The following PAPPA variants were observed in gnomAD, a reference collection of about 807,000 sequenced individuals.
PAPPA encodes pappalysin 1, also known as pappalysin-1.
A neutral mutation model predicts 164.0 loss-of-function variants in PAPPA; 60 were observed. The observed-to-expected ratio is 0.37, with a 90% CI of 0.30 to 0.45. The LOEUF (loss-of-function observed/expected upper bound fraction) is 0.45, where lower values mean the gene tolerates loss of function less well. Ranked by LOEUF, PAPPA falls within the 20% of genes least tolerant of loss-of-function variation. PAPPA has a pLI of 1.00. For synonymous variants in PAPPA, 875 were observed against 814.1 expected (o/e 1.07, Z -1.27); for missense variants, 1,782 against 2,087.3 (o/e 0.85, Z 2.85).
chr9:116,262,220 G>A lies in PAPPA; in HGVS notation c.2733-3637G>A, dbSNP rs957011594. ...CTGTCTTAAAAAAAAAAAAAAAATC[G>A]CAAAGATTCCACAGAACAACCCTTC... On this transcript the variant is annotated intron_variant, in intron 7 of 21. Transcript: ENST00000328252. 4.1e-5 allele frequency among the ~76,000 whole-genome samples: 6 copies of A among 147,358 alleles called. No individual in the cohort carries two copies. The South Asian group carries it at 1.1e-3, about 26-fold the overall frequency.
intron 8 of PAPPA, among the ~76,000 whole-genome samples, chr9:116,267,173 TTC>T (rs1406213728): frequency 6.6e-6 from 1 of 152,228 alleles, no homozygotes; most frequent in African/African-American, 2.4e-5. Flanking sequence ...AGATGACTCT[TTC>T]TTTCTGTTCA....
At chr9:116,296,492 G>A (rs532673547) in intron 9 of PAPPA, among the ~76,000 whole-genome samples, 8 of 152,236 alleles carry the variant, frequency 5.3e-5, no homozygotes, top group South Asian at 2.1e-4. Flanking sequence ...AATTCTGTTC[G>A]CAGAGATCTT....
intron 10 of PAPPA, among the ~76,000 whole-genome samples, chr9:116,319,921 C>G (rs553926851): frequency 6.6e-6 from 1 of 152,290 alleles, no homozygotes; most frequent in South Asian, 2.1e-4. Context: ...AGCTTTACCA[C>G]TTTCATGAAT....
intron 19 of PAPPA, among the ~76,000 whole-genome samples, chr9:116,376,870 G>A (rs1313286499): frequency 1.3e-5 from 2 of 152,118 alleles, no homozygotes; most frequent in African/African-American, 2.4e-5. Context: ...ACGGCAGCAG[G>A]TGACAGCAGA....
At position 116,235,399 on chromosome 9, in the gene PAPPA, A is replaced by C. The variant is rs1186123100; in HGVS notation, c.2494A>C (p.Asn832His). Reference protein sequence around the residue: ...SGKNISLGPQNVFCDVPLTIR... With the variant: ...SGKNISLGPQHVFCDVPLTIR... ...GAAGAACATCTCCCTGGGTCCTCAGAATGTCTTCTGTGATGTCCCACTGAC... is the reference window on the plus strand; with the variant it reads ...GAAGAACATCTCCCTGGGTCCTCAGCATGTCTTCTGTGATGTCCCACTGAC... The change falls in exon 7 of 22, where the codon AAT (asparagine) becomes CAT (histidine). Residue 832 changes from asparagine to histidine, a missense_variant. Asn to His is a moderately conservative substitution (Grantham distance 68). Coordinates refer to ENST00000328252, the MANE Select transcript of PAPPA (RefSeq NM_002581.5). 6.2e-7 allele frequency: 1 copy of C among 1,614,016 alleles called. No homozygotes were observed. Among genetic ancestry groups the C allele is most frequent in the South Asian group, 1.1e-5 (1 of 91,060 alleles).
chr9:116,226,934 A>G (rs1844517624), intron 5 of PAPPA, among the ~76,000 whole-genome samples: 1 of 152,248 alleles, frequency 6.6e-6, no homozygotes, highest in Non-Finnish European at 1.5e-5. Context: ...TTTAGGCATC[A>G]TTTAATCCAG....
chr9:116,380,196 A>C (rs1846709564), intron 20 of PAPPA, among the ~76,000 whole-genome samples: 1 of 152,208 alleles, frequency 6.6e-6, no homozygotes, highest in Admixed American at 6.5e-5. Context: ...AGGGGTAGGA[A>C]CTATATCTAT....
chr9:116,289,121 CATATATATATAT>C (rs200604980), intron 9 of PAPPA, among the ~76,000 whole-genome samples: 1,116 of 17,482 alleles, frequency 0.064, 89 homozygotes, highest in East Asian at 0.2. Flanking sequence ...TATGCATATA[CATATATATATAT>C]ATATATATAT....
At chr9:116,326,114 GGAAAT>G (rs1180663103) in intron 10 of PAPPA, among the ~76,000 whole-genome samples, 19 of 152,088 alleles carry the variant, frequency 1.2e-4, no homozygotes, top group Admixed American at 1.2e-3. Flanking sequence ...TTCTATAAAT[GGAAAT>G]GAGCTGTATG....
chr9:116,274,455 A>C (rs1845173673), intron 9 of PAPPA, among the ~76,000 whole-genome samples: 1 of 152,260 alleles, frequency 6.6e-6, no homozygotes. Flanking sequence ...TACTCCCAGC[A>C]GACCAATCTT....
intron 2 of PAPPA, among the ~76,000 whole-genome samples, chr9:116,194,255 T>C (rs1217304313): frequency 6.6e-6 from 1 of 152,174 alleles, no homozygotes; most frequent in African/African-American, 2.4e-5. Flanking sequence ...ATTCCACATC[T>C]ATTTGGAAGG....
In PAPPA at chr9:116,297,089, G is replaced by A. The variant is rs576135908; in HGVS notation, c.2954-5668G>A. ...AGGCTGGTCTTGAACTCCTGACCTCGGATGATCTGCCTGCCTCAACCTCCC... is the reference window on the plus strand; with the variant it reads ...AGGCTGGTCTTGAACTCCTGACCTCAGATGATCTGCCTGCCTCAACCTCCC... On this transcript the variant is annotated intron_variant, in intron 9 of 21. Coordinates refer to ENST00000328252, the MANE Select transcript of PAPPA (RefSeq NM_002581.5). 1.3e-4 allele frequency among the ~76,000 whole-genome samples: 20 copies of A among 152,016 alleles called. No individual in the cohort carries two copies. In the East Asian group the frequency reaches 2.3e-3, roughly 18 times the overall value.
Position 116,296,710 on chromosome 9 carries a change from C to T in PAPPA, c.2954-6047C>T, listed in dbSNP as rs905585600. On this transcript the variant is annotated intron_variant, in intron 9 of 21. Coordinates refer to ENST00000328252, the MANE Select transcript of PAPPA (RefSeq NM_002581.5). Reference sequence around the variant, plus strand: ...TTAGCAAAGTGAAAAATGGAAAGCACATTTCAGGCAGAGAAAAACAACCTT... The same window carrying T: ...TTAGCAAAGTGAAAAATGGAAAGCATATTTCAGGCAGAGAAAAACAACCTT... Among the ~76,000 whole-genome samples the T allele has an allele frequency of 2.6e-5, 4 of 152,154 alleles. No individual in the cohort carries two copies. The East Asian group carries it at 5.8e-4, about 22-fold the overall frequency.
At chr9:116,168,764 T>G (rs1001035000) in intron 1 of PAPPA, among the ~76,000 whole-genome samples, 3 of 152,156 alleles carry the variant, frequency 2.0e-5, no homozygotes, top group Non-Finnish European at 4.4e-5. Context: ...TATTGGACAA[T>G]TCAATATCCA....
chr9:116,349,901 G>A (rs1846259468), intron 15 of PAPPA, among the ~76,000 whole-genome samples: 1 of 152,168 alleles, frequency 6.6e-6, no homozygotes, highest in Non-Finnish European at 1.5e-5. Context: ...GTTCCCCCAG[G>A]AAATACGGTG....
chr9:116,329,609 C>A (rs1324131050), intron 10 of PAPPA, among the ~76,000 whole-genome samples: 1 of 152,096 alleles, frequency 6.6e-6, no homozygotes, highest in Admixed American at 6.6e-5. Flanking sequence ...ATTTTTAATT[C>A]ACATGAATCG....
At chr9:116,276,828 A>C (rs1845204677) in intron 9 of PAPPA, among the ~76,000 whole-genome samples, 1 of 151,900 alleles carries the variant, frequency 6.6e-6, no homozygotes, top group Admixed American at 6.6e-5. Context: ...AGCAACCCCC[A>C]GCCCCAGCTC....
intron 21 of PAPPA, 88 bp downstream of exon 21, chr9:116,382,581 C>G: frequency 2.4e-6 from 2 of 822,674 alleles, no homozygotes; most frequent in Non-Finnish European, 4.3e-6. Flanking sequence ...GCTGGACAAC[C>G]CTTGTCCTAA....
chr9:116,245,106 G>A (rs193226134), intron 7 of PAPPA, among the ~76,000 whole-genome samples: 44 of 151,394 alleles, frequency 2.9e-4, no homozygotes, highest in Middle Eastern at 6.8e-3. Context: ...GCTAAATAAT[G>A]TGTACACATA....
Sources: gnomAD v4.1 joint callset for allele counts (sites outside exome capture counted in the v4.1 genomes callset) on GRCh38, gnomAD v4.1.1 for gene constraint, MANE v1.5 for transcripts, NCBI Gene and HGNC (gene_info 2026-07-23, HGNC 2026-07-21) for gene names.